Variants in HTR3B observed in about 807,000 individuals in gnomAD.
HTR3B encodes the protein 5-hydroxytryptamine (serotonin) receptor 3B, ionotropic.
A neutral mutation model predicts 42.8 loss-of-function variants in HTR3B; 44 were observed. The observed-to-expected ratio is 1.03, with a 90% confidence interval of 0.81 to 1.32. The LOEUF (loss-of-function observed/expected upper bound fraction) is 1.32. Among genes scored for constraint, HTR3B ranks in the 40% most tolerant of loss-of-function variants. The pLI, the probability that HTR3B is intolerant of heterozygous loss-of-function variation, is 0.00. For synonymous variants in HTR3B, 203 were observed against 209.0 expected, an observed-to-expected ratio of 0.97 and a Z score of 0.25; for missense variants, 527 against 536.5, an observed-to-expected ratio of 0.98 and a Z score of 0.17.
chr11:113,931,832 T>C lies in HTR3B; in HGVS notation c.333T>C (p.Ser111=). 1 of 1,609,580 alleles carries C rather than the reference T, an allele frequency of 6.2e-7. No homozygotes were observed. The highest frequency in any genetic ancestry group is 8.5e-7 in the Non-Finnish European group (1 of 1,175,778). ...TTAGAGAGATCTCCCTACCTCTAAG[T>C]GCCATCTGGGCCCCCGATATCATCA... ...DEIREISLPL[S]AIWAPDIIIN... The change falls in exon 4 of 9, where the codon AGT becomes AGC. Residue 111 remains serine, a synonymous_variant. Transcript: ENST00000260191.
At chr11:113,939,893 T>G (rs1250884218) in intron 6 of HTR3B, among the ~76,000 whole-genome samples, 2 of 151,162 alleles carry the variant, frequency 1.3e-5, no homozygotes, top group Admixed American at 6.6e-5. Context: ...TTGGTGTTTT[T>G]TTTTTTTTTT....
intron 2 of HTR3B, among the ~76,000 whole-genome samples, chr11:113,924,065 A>G (rs146686582): frequency 2.0e-5 from 3 of 152,360 alleles, no homozygotes; most frequent in Non-Finnish European, 4.4e-5. Context: ...TCCCAGCCAT[A>G]TGACTGAATC....
upstream of HTR3B, among the ~76,000 whole-genome samples, chr11:113,900,206 C>T (rs1029583282): frequency 6.6e-5 from 10 of 151,206 alleles, no homozygotes; most frequent in Non-Finnish European, 1.3e-4. Flanking sequence ...TGCAGTGAGC[C>T]GAGATCACAC....
chr11:113,915,012 T>C (rs1427270284), intron 2 of HTR3B, among the ~76,000 whole-genome samples: 1 of 152,206 alleles, frequency 6.6e-6, no homozygotes, highest in African/African-American at 2.4e-5. Context: ...TCAAATTTAT[T>C]GACTTAGTTG....
At chr11:113,906,949 C>T (rs1243245567) in intron 1 of HTR3B, among the ~76,000 whole-genome samples, 1 of 152,096 alleles carries the variant, frequency 6.6e-6, no homozygotes. Flanking sequence ...TCCTTTTAAC[C>T]TCTCAGATAT....
At chr11:113,943,827 G>A (rs1482623178) in intron 7 of HTR3B, among the ~76,000 whole-genome samples, 1 of 151,256 alleles carries the variant, frequency 6.6e-6, no homozygotes, top group Non-Finnish European at 1.5e-5. Flanking sequence ...GGAGGGGAGG[G>A]GAAGGGAGAG....
At chr11:113,927,464 A>G (rs927214676) in intron 2 of HTR3B, among the ~76,000 whole-genome samples, 39 of 152,232 alleles carry the variant, frequency 2.6e-4, no homozygotes, top group African/African-American at 8.4e-4. Context: ...AATTCAAATT[A>G]TAAAAGCAAC....
At chr11:113,937,219 G>A (rs1470687098) in intron 6 of HTR3B, among the ~76,000 whole-genome samples, 1 of 152,196 alleles carries the variant, frequency 6.6e-6, no homozygotes, top group African/African-American at 2.4e-5. Flanking sequence ...AGAAGCAGGA[G>A]TCACTGCTTC....
At chr11:113,908,469 G>A (rs181245107) in intron 1 of HTR3B, among the ~76,000 whole-genome samples, 2 of 152,334 alleles carry the variant, frequency 1.3e-5, no homozygotes, top group African/African-American at 2.4e-5. Flanking sequence ...CAATGACTGA[G>A]TGAAGCATTG....
chr11:113,907,363 T>G (rs935742627), intron 1 of HTR3B, among the ~76,000 whole-genome samples: 1 of 152,242 alleles, frequency 6.6e-6, no homozygotes, highest in African/African-American at 2.4e-5. Flanking sequence ...CATAATTTAC[T>G]GTTAATTAAT....
intron 6 of HTR3B, among the ~76,000 whole-genome samples, chr11:113,939,969 C>T (rs894440457): frequency 2.0e-5 from 3 of 151,450 alleles, no homozygotes; most frequent in Non-Finnish European, 4.4e-5. Context: ...TCACTGCAAC[C>T]TCTGCCTCTT....
chr11:113,935,198 A>G (rs1473587306), intron 6 of HTR3B, among the ~76,000 whole-genome samples: 1 of 148,630 alleles, frequency 6.7e-6, no homozygotes, highest in African/African-American at 2.4e-5. Context: ...ACAGAGACAG[A>G]AGATTGTCTA....
At chr11:113,945,754 G>A (rs1950171692) in intron 8 of HTR3B, 148 bp from the exon 9 acceptor site, 6 of 634,632 alleles carry the variant, frequency 9.5e-6, no homozygotes, top group African/African-American at 1.8e-5. Context: ...GCCTAATCGG[G>A]TGGGGAGAGT....
rs1037722103 is a variant in HTR3B at position 113,946,960 on chromosome 11, C to A, written c.*823C>A. On this transcript the variant is annotated 3_prime_UTR_variant, in exon 9 of 9. Coordinates refer to ENST00000260191, the MANE Select transcript of HTR3B (RefSeq NM_006028.5). ...TGTGATTCCCATGGTCAACCTGGTA[C>A]CAACCAACCAGAGCATAAAATTCCT... Among the ~76,000 whole-genome samples the A allele has an allele frequency of 6.6e-6, 1 of 152,182 alleles. No homozygotes were observed. Among genetic ancestry groups the A allele is most frequent in the African/African-American group, 2.4e-5 (1 of 41,446 alleles).
At position 113,943,190 on chromosome 11, in the gene HTR3B, T is replaced by C; in HGVS notation, c.905T>C (p.Ile302Thr). The C allele has an allele frequency of 6.2e-7, 1 of 1,611,030 alleles. No individual in the cohort carries two copies. Among genetic ancestry groups the C allele is most frequent in the Non-Finnish European group, 8.5e-7 (1 of 1,178,410 alleles). ...VPRSVGSTPL[I>T]GHFFTICMAF... ...CGGAGTGTAGGGAGCACCCCTCTGA[T>C]TGGTAAGCAGCCTCGGGGTCACTGG... The change falls in exon 7 of 9, where the codon ATT becomes ACT. Residue 302 changes from isoleucine (I) to threonine (T), a missense_variant and splice_region_variant. By Grantham distance (89) the Ile-to-Thr change is moderately conservative. Transcript: ENST00000260191.
chr11:113,939,747 T>C (rs1267379148), intron 6 of HTR3B, among the ~76,000 whole-genome samples: 1 of 152,124 alleles, frequency 6.6e-6, no homozygotes, highest in East Asian at 1.9e-4. Context: ...ACCCAAGATG[T>C]TTGGCAAGGC....
At chr11:113,904,774 T>A, upstream of HTR3B, 11 of 616,870 alleles carry the variant, frequency 1.8e-5, 1 homozygote, top group South Asian at 2.1e-4. Flanking sequence ...TTGCCTTTGG[T>A]CCCACTGAGT....
chr11:113,919,830 AAACAACAAC>A (rs149081128), intron 2 of HTR3B, among the ~76,000 whole-genome samples: 66 of 148,936 alleles, frequency 4.4e-4, no homozygotes, highest in Middle Eastern at 3.4e-3. Flanking sequence ...CTCCATCTCA[AAACAACAAC>A]AACAACAACA....
intron 2 of HTR3B, among the ~76,000 whole-genome samples, chr11:113,910,000 A>C (rs930429931): frequency 4.6e-5 from 7 of 151,548 alleles, no homozygotes; most frequent in Non-Finnish European, 2.9e-5. Flanking sequence ...AAAAAAAAAA[A>C]AAAAAAAAAA....
Sources: gnomAD v4.1 joint callset for allele counts (sites outside exome capture counted in the v4.1 genomes callset) on GRCh38, gnomAD v4.1.1 for gene constraint, MANE v1.5 for transcripts, NCBI Gene and HGNC (gene_info 2026-07-23, HGNC 2026-07-21) for gene names.